Variants in DOCK3 observed in about 807,000 individuals in gnomAD.
DOCK3 encodes dedicator of cytokinesis 3.
DOCK3 carries 60 observed loss-of-function variants against 265.6 expected under a neutral mutation model. That is an observed-to-expected ratio of 0.23 (90% CI 0.18 to 0.28). DOCK3 has a LOEUF of 0.28. DOCK3 is among the 10% of genes least tolerant of loss of function. DOCK3 has a pLI of 1.00. For missense variants in DOCK3, 1,981 were observed against 2,594.3 expected (o/e 0.76, Z 5.14); for synonymous variants, 881 against 938.0 (o/e 0.94, Z 1.11).
At chr3:50,886,954 T>TGC (rs1553693928) in intron 3 of DOCK3, among the ~76,000 whole-genome samples, 3 of 151,752 alleles carry the variant, frequency 2.0e-5, no homozygotes, top group Non-Finnish European at 4.4e-5. Flanking sequence ...TTAAAAGAAC[T>TGC]AGAAAAGCAA....
intron 2 of DOCK3, among the ~76,000 whole-genome samples, chr3:50,829,687 A>G (rs2045011730): frequency 6.6e-6 from 1 of 152,156 alleles, no homozygotes; most frequent in African/African-American, 2.4e-5. Context: ...ATGCCCTTAC[A>G]CAGCTGTTTC....
At chr3:51,011,994 CAG>C (rs1225478556) in intron 5 of DOCK3, among the ~76,000 whole-genome samples, 14 of 152,266 alleles carry the variant, frequency 9.2e-5, no homozygotes, top group Admixed American at 5.9e-4. Flanking sequence ...AGCTTTGTCT[CAG>C]AGGGGTAGAA....
intron 5 of DOCK3, among the ~76,000 whole-genome samples, chr3:51,031,735 G>T (rs1195410358): frequency 6.6e-6 from 1 of 152,150 alleles, no homozygotes; most frequent in East Asian, 1.9e-4. Context: ...AGTATTGGGG[G>T]TTAAAAGAAA....
At chr3:50,836,354 C>T (rs998570095) in intron 2 of DOCK3, among the ~76,000 whole-genome samples, 19 of 152,216 alleles carry the variant, frequency 1.2e-4, no homozygotes, top group South Asian at 8.3e-4. Flanking sequence ...GAAATCTAGG[C>T]GGAGGTTCCT....
At chr3:51,087,035 C>T (rs2082452898) in intron 7 of DOCK3, among the ~76,000 whole-genome samples, 1 of 152,142 alleles carries the variant, frequency 6.6e-6, no homozygotes, top group South Asian at 2.1e-4. Context: ...CTGCTGAATT[C>T]TACCAAACTT....
Position 51,382,186 on chromosome 3 carries a change from C to T in DOCK3, c.*627C>T, listed in dbSNP as rs1449946073. 1 of 152,518 alleles carries T rather than the reference C, an allele frequency of 6.6e-6. No individual in the cohort carries two copies. The highest frequency in any genetic ancestry group is 6.5e-5 in the Admixed American group (1 of 15,284). 9.4% of individuals were successfully genotyped at this position (152,518 alleles called of 1,614,324 possible). A position where few individuals can be genotyped will look rare whatever the true frequency, so the allele number is the denominator to read the frequency against. Reference sequence around the variant, plus strand: ...GGCATGTGACTGGCCTAACTGCATGCCCAGGGCACTGCCAGGGTTCAATGG... The same window carrying T: ...GGCATGTGACTGGCCTAACTGCATGTCCAGGGCACTGCCAGGGTTCAATGG... On this transcript the variant is annotated 3_prime_UTR_variant, in exon 53 of 53. Coordinates refer to ENST00000266037, the MANE Select transcript of DOCK3 (RefSeq NM_004947.5).
chr3:51,094,862 G>A (rs2082775594), intron 9 of DOCK3, among the ~76,000 whole-genome samples: 1 of 151,672 alleles, frequency 6.6e-6, no homozygotes, highest in African/African-American at 2.4e-5. Context: ...TGTATTGGGT[G>A]CATATATATT....
rs200337617 is a variant in DOCK3, at chr3:50,852,721, CT to C, written c.162+11009del. 7.0e-3 allele frequency among the ~76,000 whole-genome samples: 1,059 copies of C among 152,094 alleles called. 12 individuals are homozygous for C. Among genetic ancestry groups the C allele is most frequent in the African/African-American group, 0.024 (1,017 of 41,514 alleles). On this transcript the variant is annotated intron_variant, in intron 3 of 52. Coordinates refer to ENST00000266037, the MANE Select transcript of DOCK3 (RefSeq NM_004947.5). ...GATGTTTTAAAAAATCAACTTTTAA[CT>C]TTCTGATTTTTTTGTGTATTATTTA...
intron 6 of DOCK3, among the ~76,000 whole-genome samples, chr3:51,072,549 C>T (rs745887820): frequency 6.6e-6 from 1 of 152,032 alleles, no homozygotes; most frequent in Admixed American, 6.5e-5. Flanking sequence ...GCAGGGATTA[C>T]GGACACCCAC....
intron 5 of DOCK3, among the ~76,000 whole-genome samples, chr3:51,024,450 C>T (rs2079726270): frequency 6.6e-6 from 1 of 152,104 alleles, no homozygotes; most frequent in African/African-American, 2.4e-5. Context: ...GGCAGAGGTC[C>T]CAGCCTTGAT....
intron 5 of DOCK3, among the ~76,000 whole-genome samples, chr3:50,980,970 T>A (rs960079342): frequency 6.6e-6 from 1 of 152,162 alleles, no homozygotes; most frequent in Non-Finnish European, 1.5e-5. Context: ...TGCTCTCATT[T>A]TTATTATTTG....
chr3:51,031,715 C>T (rs1288712692), intron 5 of DOCK3, among the ~76,000 whole-genome samples: 1 of 152,050 alleles, frequency 6.6e-6, no homozygotes, highest in Non-Finnish European at 1.5e-5. Flanking sequence ...AACTTAAGCC[C>T]CAATGCAGAA....
At chr3:51,319,104 C>G (rs930263977) in intron 32 of DOCK3, among the ~76,000 whole-genome samples, 3 of 152,086 alleles carry the variant, frequency 2.0e-5, no homozygotes, top group African/African-American at 7.2e-5. Context: ...CAATGAGAAA[C>G]TTGCTTTGTT....
chr3:50,966,610 T>C (rs1348202494), intron 5 of DOCK3, among the ~76,000 whole-genome samples: 1 of 151,738 alleles, frequency 6.6e-6, no homozygotes, highest in Non-Finnish European at 1.5e-5. Context: ...CACCTTTTCA[T>C]ACACCTGTTG....
At chr3:51,262,589 G>T (rs528235258) in intron 23 of DOCK3, among the ~76,000 whole-genome samples, 1 of 152,302 alleles carries the variant, frequency 6.6e-6, no homozygotes, top group South Asian at 2.1e-4. Flanking sequence ...GACAGAAGTA[G>T]GCTTCAGAAG....
intron 12 of DOCK3, among the ~76,000 whole-genome samples, chr3:51,186,427 A>G (rs993651950): frequency 1.2e-4 from 19 of 152,334 alleles, no homozygotes; most frequent in African/African-American, 4.6e-4. Context: ...AGAGCACAAA[A>G]GCTTGGAAAA....
chr3:51,370,904 G>T (rs755737922), intron 49 of DOCK3, among the ~76,000 whole-genome samples: 4 of 152,212 alleles, frequency 2.6e-5, no homozygotes, highest in Admixed American at 6.5e-5. Context: ...ATTGATGCTG[G>T]TGGTCAGCTT....
intron 27 of DOCK3, among the ~76,000 whole-genome samples, chr3:51,291,317 A>G (rs2081758435): frequency 6.6e-6 from 1 of 152,178 alleles, no homozygotes; most frequent in Admixed American, 6.5e-5. Context: ...GAAGTAAATG[A>G]AATGGACACT....
At chr3:50,884,961 T>G (rs1160483763) in intron 3 of DOCK3, among the ~76,000 whole-genome samples, 2 of 152,194 alleles carry the variant, frequency 1.3e-5, no homozygotes, top group Non-Finnish European at 2.9e-5. Flanking sequence ...TTTTACCAAA[T>G]GCACAATGTC....
Sources: allele counts gnomAD v4.1 joint callset (sites outside exome capture counted in the v4.1 genomes callset), GRCh38; gene constraint gnomAD v4.1.1; transcripts MANE v1.5; gene names NCBI Gene and HGNC (gene_info 2026-07-23, HGNC 2026-07-21).